Variants in MICU2 observed in about 807,000 individuals in gnomAD.
The protein encoded by MICU2 is calcium uptake protein 2, mitochondrial.
MICU2 carries 64 observed loss-of-function variants against 60.4 expected under a neutral mutation model. The ratio of observed to expected loss-of-function variants is 1.06; its 90% CI spans 0.87 to 1.31. MICU2 has a LOEUF of 1.31. Ranked by LOEUF, MICU2 falls within the 50% of genes most tolerant of loss-of-function variation. The probability of loss-of-function intolerance (pLI) is 0.00; values close to 1 mark genes in which losing one functional copy is unlikely to be tolerated. For synonymous variants in MICU2, 201 were observed against 175.0 expected, an observed-to-expected ratio of 1.15 and a Z score of -1.17; for missense variants, 569 against 531.0, an observed-to-expected ratio of 1.07 and a Z score of -0.70.
At chr13:21,521,088 T>C (rs1043156805) in intron 6 of MICU2, among the ~76,000 whole-genome samples, 157 bp downstream of exon 6, 12 of 152,170 alleles carry the variant, frequency 7.9e-5, no homozygotes, top group African/African-American at 2.9e-4. Flanking sequence ...CTTATGGTTG[T>C]ATTATAGAAA....
At chr13:21,567,039 C>G (rs1168820909) in intron 1 of MICU2, 95 bp from the exon 2 acceptor site, 4 of 1,016,236 alleles carry the variant, frequency 3.9e-6, no homozygotes, top group African/African-American at 3.3e-5. Context: ...ACGCTTGGAT[C>G]TGACAATCCC....
At chr13:21,538,686 T>C (rs185311010) in intron 4 of MICU2, among the ~76,000 whole-genome samples, 250 of 152,272 alleles carry the variant, frequency 1.6e-3, no homozygotes, top group African/African-American at 5.7e-3. Context: ...TAGAGATGAT[T>C]TGAACTAAAT....
At chr13:21,603,835 C>A in intron 1 of MICU2, 104 bp downstream of exon 1, 1 of 1,299,730 alleles carries the variant, frequency 7.7e-7, no homozygotes, top group Non-Finnish European at 1.1e-6. Context: ...GCACCTCCAC[C>A]CACGGCTCCG....
At chr13:21,584,334 A>G (rs1161111417) in intron 1 of MICU2, among the ~76,000 whole-genome samples, 1 of 150,772 alleles carries the variant, frequency 6.6e-6, no homozygotes, top group Non-Finnish European at 1.5e-5. Flanking sequence ...GCTTGCAGTG[A>G]GCCGAGATCA....
chr13:21,519,126 G>A (rs768293882), intron 6 of MICU2, among the ~76,000 whole-genome samples: 4 of 152,004 alleles, frequency 2.6e-5, no homozygotes, highest in Non-Finnish European at 5.9e-5. Context: ...GCACGATCTC[G>A]GCTCACTACA....
chr13:21,540,054 T>A (rs1887244120), intron 2 of MICU2, among the ~76,000 whole-genome samples: 1 of 152,170 alleles, frequency 6.6e-6, no homozygotes, highest in African/African-American at 2.4e-5. Context: ...CTTTCATTGA[T>A]TTAGAAAAAA....
In MICU2 at chr13:21,514,385, T is replaced by C. The variant is rs762925439; in HGVS notation, c.631A>G (p.Met211Val). ...CCAGTTTCATTAGTTTTCACTGTCATCAAGTCATCTTGTTTACTTATGATC... is the reference window on the plus strand; with the variant it reads ...CCAGTTTCATTAGTTTTCACTGTCACCAAGTCATCTTGTTTACTTATGATC... ...QKIISKQDDLMTVKTNETGYQ... is the reference protein window; with the variant it reads ...QKIISKQDDLVTVKTNETGYQ... Residue 211 changes from methionine (M) to valine (V), a missense_variant, in exon 7 of 12, where the codon ATG (methionine) becomes GTG (valine). Coordinates refer to ENST00000382374, the MANE Select transcript of MICU2 (RefSeq NM_152726.3). 13 of 1,613,626 alleles carry C rather than the reference T, an allele frequency of 8.1e-6. No homozygotes were observed. The highest frequency in any genetic ancestry group is 1.3e-5 in the African/African-American group (1 of 75,000).
At chr13:21,565,275 C>G (rs1887950884) in intron 2 of MICU2, among the ~76,000 whole-genome samples, 1 of 152,190 alleles carries the variant, frequency 6.6e-6, no homozygotes, top group Admixed American at 6.5e-5. Context: ...TGCCTGCAAT[C>G]TCAGCACTTT....
intron 5 of MICU2, 101 bp from the exon 6 acceptor site, chr13:21,521,428 T>C (rs80279196): frequency 0.026 from 20,385 of 797,006 alleles, 343 homozygotes; most frequent in African/African-American, 0.039. Flanking sequence ...AGAAACTGTA[T>C]GAGTAAGTGC....
intron 1 of MICU2, among the ~76,000 whole-genome samples, chr13:21,570,935 A>G (rs888808679): frequency 6.6e-6 from 1 of 152,224 alleles, no homozygotes; most frequent in Non-Finnish European, 1.5e-5. Flanking sequence ...ACAACTAAAA[A>G]CATAGTTTAC....
At chr13:21,518,426 G>C (rs1369223580) in intron 6 of MICU2, among the ~76,000 whole-genome samples, 1 of 152,128 alleles carries the variant, frequency 6.6e-6, no homozygotes, top group Non-Finnish European at 1.5e-5. Context: ...TCAAAACTTT[G>C]GTGCTGATGA....
At chr13:21,554,620 G>T (rs1887656380) in intron 2 of MICU2, among the ~76,000 whole-genome samples, 1 of 152,126 alleles carries the variant, frequency 6.6e-6, no homozygotes, top group African/African-American at 2.4e-5. Flanking sequence ...ACAATTAAAA[G>T]AACTAGAGAA....
intron 1 of MICU2, among the ~76,000 whole-genome samples, chr13:21,575,040 T>C (rs1248120184): frequency 2.0e-5 from 3 of 152,234 alleles, no homozygotes; most frequent in Non-Finnish European, 4.4e-5. Context: ...CTACTCTCTC[T>C]GGCTTCTGAA....
intron 1 of MICU2, among the ~76,000 whole-genome samples, chr13:21,569,104 T>A (rs751056781): frequency 2.0e-5 from 3 of 152,066 alleles, no homozygotes; most frequent in Non-Finnish European, 4.4e-5. Context: ...CTTTCAGAGG[T>A]TGATTTCCGA....
intron 8 of MICU2, among the ~76,000 whole-genome samples, chr13:21,509,364 TCTATTTGTTAATGTA>T (rs1193776856): frequency 6.6e-6 from 1 of 152,222 alleles, no homozygotes; most frequent in African/African-American, 2.4e-5. Context: ...CATGTCCATG[TCTATTTGTTAATGTA>T]CTGTTTATGG....
At chr13:21,566,007 TTAAAG>T (rs1887972264) in intron 2 of MICU2, among the ~76,000 whole-genome samples, 1 of 152,352 alleles carries the variant, frequency 6.6e-6, no homozygotes, top group Admixed American at 6.5e-5. Flanking sequence ...TCACTACTGC[TTAAAG>T]TAATCCTTTT....
intron 1 of MICU2, 109 bp downstream of exon 1, chr13:21,603,830 T>C: frequency 1.6e-6 from 2 of 1,249,896 alleles, no homozygotes; most frequent in African/African-American, 1.6e-5. Context: ...CAGCGGCACC[T>C]CCACCCACGG....
At chr13:21,567,082 T>C in intron 1 of MICU2, 138 bp from the exon 2 acceptor site, 3 of 691,170 alleles carry the variant, frequency 4.3e-6, no homozygotes, top group Non-Finnish European at 6.9e-6. Context: ...TAACAAATAT[T>C]AACTGAGTGC....
chr13:21,603,927 T>C lies in MICU2; in HGVS notation c.210+12A>G. On this transcript the variant is annotated intron_variant, in intron 1 of 11. Coordinates refer to ENST00000382374, the MANE Select transcript of MICU2 (RefSeq NM_152726.3). ...GCTTGACTGGGGCTAGCAGAAGGAG[T>C]TAGTCCTGTACCTGTGCGGAGACTG... is the stretch of plus-strand genomic sequence containing the variant. 2 of 1,611,072 alleles carry C rather than the reference T, an allele frequency of 1.2e-6. No individual in the cohort carries two copies. Among genetic ancestry groups the C allele is most frequent in the Non-Finnish European group, 1.7e-6 (2 of 1,178,992 alleles).
Sources: gnomAD v4.1 joint callset for allele counts (sites outside exome capture counted in the v4.1 genomes callset) on GRCh38, gnomAD v4.1.1 for gene constraint, MANE v1.5 for transcripts, NCBI Gene and HGNC (gene_info 2026-07-23, HGNC 2026-07-21) for gene names.